The following VPS13C variants were observed in gnomAD, a reference collection of about 807,000 sequenced individuals.
VPS13C encodes vacuolar protein sorting 13 homolog C, also known as intermembrane lipid transfer protein VPS13C.
Under a neutral mutation model 456.8 loss-of-function variants are expected in VPS13C, and 358 were observed. That is an observed-to-expected ratio of 0.78 (90% CI 0.72 to 0.86). The LOEUF (loss-of-function observed/expected upper bound fraction) is 0.86. Ranked by LOEUF, VPS13C falls within the 40% of genes least tolerant of loss-of-function variation. The pLI is 0.00. For missense variants in VPS13C, 4,818 were observed against 4,385.4 expected, an observed-to-expected ratio of 1.10 and a Z score of -2.79; for synonymous variants, 1,578 against 1,486.7, an observed-to-expected ratio of 1.06 and a Z score of -1.41.
chr15:62,048,069 GTTTT>G (rs545982740), intron 1 of VPS13C, among the ~76,000 whole-genome samples: 1 of 134,224 alleles, frequency 7.5e-6, no homozygotes, highest in Non-Finnish European at 1.7e-5. Flanking sequence ...TGGTTTTTTG[GTTTT>G]TTTTTTTTTC....
At chr15:61,956,282 A>G (rs1008571091) in intron 37 of VPS13C, among the ~76,000 whole-genome samples, 3 of 150,832 alleles carry the variant, frequency 2.0e-5, no homozygotes, top group African/African-American at 7.3e-5. Flanking sequence ...CATTAAGTAC[A>G]CATGGACACA....
chr15:61,878,507 T>C (rs1280891659), intron 74 of VPS13C, 100 bp downstream of exon 74: 10 of 1,467,044 alleles, frequency 6.8e-6, no homozygotes, highest in Non-Finnish European at 7.3e-6. Flanking sequence ...AGTAAAGTTA[T>C]CCTTTTCCTA....
At chr15:62,010,797 G>C (rs77630509) in intron 12 of VPS13C, among the ~76,000 whole-genome samples, 198 bp from the exon 13 acceptor site, 1 of 152,074 alleles carries the variant, frequency 6.6e-6, no homozygotes, top group African/African-American at 2.4e-5. Flanking sequence ...TGGTTAAAGC[G>C]AAATCTCCAA....
chr15:62,040,345 G>T (rs1007077813), intron 3 of VPS13C, among the ~76,000 whole-genome samples: 6 of 152,020 alleles, frequency 3.9e-5, no homozygotes, highest in African/African-American at 1.5e-4. Context: ...ATAACTAAGA[G>T]TATTAATTAC....
At chr15:62,052,488 G>A (rs575057881) in intron 1 of VPS13C, among the ~76,000 whole-genome samples, 5 of 151,824 alleles carry the variant, frequency 3.3e-5, no homozygotes, top group East Asian at 1.9e-4. Context: ...ATCCTGATAC[G>A]GTGAAACCCC....
intron 81 of VPS13C, among the ~76,000 whole-genome samples, chr15:61,868,450 A>C (rs1338523746): frequency 1.3e-5 from 2 of 152,014 alleles, no homozygotes; most frequent in Non-Finnish European, 2.9e-5. Context: ...CACACAAAAA[A>C]AAGCTTTGCT....
Position 61,941,999 on chromosome 15 carries a change from T to C in VPS13C, c.5217A>G (p.Arg1739=), listed in dbSNP as rs767909789. The part of the protein sequence containing the change: ...LSTATVQAAE[R]AASSMKDLAQ... ...CCAAGTCTTTCATGCTGGAAGCAGC[T>C]CTTTCTGCAGCCTGGACTGTGGCTG... Residue 1739 remains arginine, a synonymous_variant, in exon 46 of 85, where the codon AGA becomes AGG. Coordinates refer to ENST00000644861, the MANE Select transcript of VPS13C (RefSeq NM_020821.3). 5.6e-6 allele frequency: 9 copies of C among 1,613,920 alleles called. No individual in the cohort carries two copies. The highest frequency in any genetic ancestry group is 7.6e-6 in the Non-Finnish European group (9 of 1,179,926).
chr15:62,040,778 T>G (rs1486648323), intron 3 of VPS13C, among the ~76,000 whole-genome samples: 1 of 152,178 alleles, frequency 6.6e-6, no homozygotes, highest in Non-Finnish European at 1.5e-5. Flanking sequence ...GGGAAGACTT[T>G]GTAGATTAAA....
rs771708772 is a variant in VPS13C, at chr15:62,035,068, T to G, written c.188-16A>C. The G allele has an allele frequency of 2.6e-5, 41 of 1,567,236 alleles. No homozygotes were observed. Among genetic ancestry groups the G allele is most frequent in the Non-Finnish European group, 3.4e-5 (39 of 1,144,200 alleles). ...GTTAATTTATCTAAGGAAACATAAT[T>G]TCAACCTTAAATTATTATTTGACTG... On this transcript the variant is annotated splice_polypyrimidine_tract_variant and intron_variant, in intron 3 of 84. Coordinates refer to ENST00000644861, the MANE Select transcript of VPS13C (RefSeq NM_020821.3).
chr15:62,029,694 C>G (rs560995968), intron 5 of VPS13C, among the ~76,000 whole-genome samples: 3 of 151,980 alleles, frequency 2.0e-5, no homozygotes, highest in Admixed American at 6.6e-5. Flanking sequence ...GGTCCAAGGA[C>G]TCTCTAATTT....
chr15:61,881,057 C>T, intron 71 of VPS13C, 103 bp from the exon 72 acceptor site: 1 of 865,090 alleles, frequency 1.2e-6, no homozygotes, highest in Non-Finnish European at 1.7e-6. Context: ...TATCTTGTTC[C>T]TTCATCTCCT....
intron 68 of VPS13C, among the ~76,000 whole-genome samples, chr15:61,882,958 C>G (rs1328825083): frequency 1.3e-5 from 2 of 151,942 alleles, no homozygotes; most frequent in African/African-American, 2.4e-5. Context: ...AGTATAGAAA[C>G]TATAGTTTTA....
At chr15:62,033,908 G>A (rs75500017) in intron 4 of VPS13C, among the ~76,000 whole-genome samples, 1,866 of 151,328 alleles carry the variant, frequency 0.012, 39 homozygotes, top group African/African-American at 0.043. Context: ...TACTACCTGG[G>A]ATCAATATAC....
intron 67 of VPS13C, among the ~76,000 whole-genome samples, chr15:61,889,501 A>C (rs1896517030): frequency 6.6e-6 from 1 of 152,104 alleles, no homozygotes; most frequent in Non-Finnish European, 1.5e-5. Context: ...GTATCATGTC[A>C]ACCATTCCAC....
At chr15:61,948,874 G>A (rs1197443754) in intron 42 of VPS13C, among the ~76,000 whole-genome samples, 3 of 152,058 alleles carry the variant, frequency 2.0e-5, no homozygotes, top group Non-Finnish European at 4.4e-5. Context: ...TTAAAAGTAA[G>A]CAAATGTTAT....
intron 52 of VPS13C, 120 bp downstream of exon 52, chr15:61,926,971 C>T: frequency 2.3e-6 from 2 of 888,314 alleles, no homozygotes; most frequent in Non-Finnish European, 1.7e-6. Flanking sequence ...ATATGTAAAA[C>T]CCCAAGTTCA....
Position 61,978,666 on chromosome 15 carries a change from A to C in VPS13C, c.2250T>G (p.Asp750Glu). Residue 750 changes from aspartate (D) to glutamate (E), a missense_variant, in exon 23 of 85, where the codon GAT (aspartate) becomes GAG (glutamate). Transcript: ENST00000644861. ...GTAGTTGTACATTTTTTATTTCAAC[A>C]TCAAACTTGTCATATGCCTTATCCA... Reference protein sequence around the residue: ...EIMDKAYDKFDVEIKNVQLLF... With the variant: ...EIMDKAYDKFEVEIKNVQLLF... The C allele has an allele frequency of 1.2e-6, 2 of 1,612,838 alleles. No homozygotes were observed. Among genetic ancestry groups the C allele is most frequent in the Non-Finnish European group, 1.7e-6 (2 of 1,179,556 alleles).
intron 1 of VPS13C, among the ~76,000 whole-genome samples, chr15:62,053,534 G>A (rs139803793): frequency 0.011 from 1,747 of 152,250 alleles, 16 homozygotes; most frequent in Non-Finnish European, 0.019. Flanking sequence ...CTATGAATGC[G>A]GAGGAAGTGG....
In VPS13C at chr15:61,994,094, G is replaced by C. The variant is rs141897630; in HGVS notation, c.1354-2292C>G. Among the ~76,000 whole-genome samples the C allele has an allele frequency of 2.5e-4, 38 of 152,044 alleles. No homozygotes were observed. In the East Asian group the frequency reaches 7.0e-3, roughly 28 times the overall value. Reference sequence around the variant, plus strand: ...TTCACTTCCTTCTCTGTCCAACTAAGTTGCCCATGGTAAATAACTTCAGCC... The same window carrying C: ...TTCACTTCCTTCTCTGTCCAACTAACTTGCCCATGGTAAATAACTTCAGCC... On this transcript the variant is annotated intron_variant, in intron 16 of 84. Transcript: ENST00000644861.
Sources: allele counts gnomAD v4.1 joint callset (sites outside exome capture counted in the v4.1 genomes callset), GRCh38; gene constraint gnomAD v4.1.1; transcripts MANE v1.5; gene names NCBI Gene and HGNC (gene_info 2026-07-23, HGNC 2026-07-21).